The following HS2ST1 variants were observed in gnomAD, a reference collection of about 807,000 sequenced individuals.
The protein encoded by HS2ST1 is 2-O-sulfotransferase.
HS2ST1 carries 18 observed loss-of-function variants against 42.9 expected under a neutral mutation model. That is an observed-to-expected ratio of 0.42 (90% CI 0.29 to 0.62). HS2ST1 has a LOEUF of 0.62. Ranked by LOEUF, HS2ST1 falls within the 20% of genes least tolerant of loss-of-function variation. The pLI is 0.21. For missense variants in HS2ST1, 334 were observed against 433.8 expected, an observed-to-expected ratio of 0.77 and a Z score of 2.04; for synonymous variants, 146 against 152.9, an observed-to-expected ratio of 0.95 and a Z score of 0.33.
intron 1 of HS2ST1, among the ~76,000 whole-genome samples, chr1:86,968,050 T>A (rs1300337994): frequency 6.6e-6 from 1 of 152,228 alleles, no homozygotes; most frequent in Admixed American, 6.5e-5. Flanking sequence ...TGATTAGTGA[T>A]GTTGAGCAGC....
chr1:86,927,701 G>A (rs1402370942), intron 1 of HS2ST1, among the ~76,000 whole-genome samples: 1 of 152,142 alleles, frequency 6.6e-6, no homozygotes, highest in African/African-American at 2.4e-5. Context: ...GCTTGGTATG[G>A]TTAAGGATTT....
intron 1 of HS2ST1, among the ~76,000 whole-genome samples, chr1:86,940,463 A>G (rs61800759): frequency 0.09 from 13,626 of 152,202 alleles, 710 homozygotes; most frequent in Non-Finnish European, 0.12. Context: ...TTTAGTTACT[A>G]TTTACTAAAG....
chr1:86,993,734 C>G (rs1213378797), intron 1 of HS2ST1, among the ~76,000 whole-genome samples: 1 of 151,942 alleles, frequency 6.6e-6, no homozygotes, highest in African/African-American at 2.4e-5. Flanking sequence ...TTGGGAGAGG[C>G]CTCAGTTCAA....
At position 87,068,288 on chromosome 1, in the gene HS2ST1, G is replaced by A. The variant is rs548629198; in HGVS notation, c.125-4646G>A. On this transcript the variant is annotated intron_variant, in intron 1 of 6. Transcript: ENST00000370550. The stretch of plus-strand genomic sequence containing the variant: ...CTTGACGAGGTCCTTCACATCCCTT[G>A]TAAGCTGGATTCCTAGGTATTTTAT... 1.2e-3 allele frequency among the ~76,000 whole-genome samples: 181 copies of A among 152,220 alleles called. 1 individual carries two copies. The highest frequency in any genetic ancestry group is 4.1e-3 in the African/African-American group (170 of 41,544).
chr1:87,051,194 CAA>C (rs1186651703), intron 1 of HS2ST1, among the ~76,000 whole-genome samples: 1 of 151,920 alleles, frequency 6.6e-6, no homozygotes, highest in Non-Finnish European at 1.5e-5. Context: ...TCTCCTCCCC[CAA>C]AAAGTCACGT....
intron 1 of HS2ST1, among the ~76,000 whole-genome samples, chr1:86,922,987 A>G (rs781020160): frequency 3.9e-5 from 6 of 151,978 alleles, no homozygotes; most frequent in Admixed American, 6.5e-5. Context: ...ATTGTTCTAC[A>G]GTTCAGTGAT....
chr1:87,062,624 T>C (rs535993313), intron 1 of HS2ST1, among the ~76,000 whole-genome samples: 1 of 152,322 alleles, frequency 6.6e-6, no homozygotes, highest in South Asian at 2.1e-4. Flanking sequence ...ATATTTTTAC[T>C]CTCCATTTTT....
chr1:86,934,001 T>G (rs767140735), intron 1 of HS2ST1, among the ~76,000 whole-genome samples: 5 of 152,188 alleles, frequency 3.3e-5, no homozygotes, highest in Non-Finnish European at 5.9e-5. Context: ...GGTGTGTGTG[T>G]GTGTAAAAGT....
At chr1:87,079,418 G>C (rs188065095) in intron 2 of HS2ST1, among the ~76,000 whole-genome samples, 1 of 152,138 alleles carries the variant, frequency 6.6e-6, no homozygotes, top group African/African-American at 2.4e-5. Context: ...GATTATAGGC[G>C]TGAGCCACTG....
chr1:86,942,762 A>AT (rs1204581756), intron 1 of HS2ST1, among the ~76,000 whole-genome samples: 7 of 152,162 alleles, frequency 4.6e-5, no homozygotes, highest in African/African-American at 1.4e-4. Context: ...TTCTTCATTG[A>AT]TAAGGTAAAG....
intron 2 of HS2ST1, among the ~76,000 whole-genome samples, chr1:87,076,043 A>C (rs1000270502): frequency 1.3e-5 from 2 of 152,342 alleles, no homozygotes; most frequent in Middle Eastern, 3.4e-3. Context: ...GAAAACAGTT[A>C]AAATAAAACA....
At chr1:87,097,989 T>A (rs1358279284) in intron 5 of HS2ST1, 54 bp downstream of exon 5, 2 of 1,610,000 alleles carry the variant, frequency 1.2e-6, no homozygotes, top group Non-Finnish European at 1.7e-6. Flanking sequence ...ATCTCTGTAA[T>A]CTGTGTTTCA....
At chr1:86,926,411 T>G (rs1660423375) in intron 1 of HS2ST1, among the ~76,000 whole-genome samples, 1 of 152,214 alleles carries the variant, frequency 6.6e-6, no homozygotes. Flanking sequence ...AGGAGAATGT[T>G]GGATCCCTGA....
intron 1 of HS2ST1, among the ~76,000 whole-genome samples, chr1:87,062,902 T>C (rs1007601928): frequency 3.3e-5 from 5 of 152,222 alleles, no homozygotes; most frequent in Admixed American, 2.6e-4. Context: ...CAGTTTTCTC[T>C]TGTAGGCTTC....
intron 5 of HS2ST1, chr1:87,098,571 A>T: frequency 5.8e-6 from 1 of 171,534 alleles, no homozygotes; most frequent in Non-Finnish European, 1.2e-5. Flanking sequence ...CATAATGAGA[A>T]ATACAAGGAA....
At chr1:87,058,798 A>G (rs1016220623) in intron 1 of HS2ST1, among the ~76,000 whole-genome samples, 4 of 151,770 alleles carry the variant, frequency 2.6e-5, no homozygotes. Flanking sequence ...GCGGTGGCTC[A>G]CGACTGTAAT....
At chr1:87,058,933 C>A (rs1385790904) in intron 1 of HS2ST1, among the ~76,000 whole-genome samples, 2 of 151,880 alleles carry the variant, frequency 1.3e-5, no homozygotes, top group African/African-American at 2.4e-5. Context: ...GTAGCAGGTG[C>A]CTGTAGTCCC....
intron 1 of HS2ST1, among the ~76,000 whole-genome samples, chr1:86,945,040 ACGG>A (rs1647288698): frequency 6.6e-6 from 1 of 152,038 alleles, no homozygotes; most frequent in Non-Finnish European, 1.5e-5. Context: ...AATTTTCTTG[ACGG>A]TTAATAGTAT....
At chr1:87,048,089 A>G (rs931239795) in intron 1 of HS2ST1, among the ~76,000 whole-genome samples, 6 of 151,794 alleles carry the variant, frequency 4.0e-5, no homozygotes, top group Non-Finnish European at 8.8e-5. Context: ...ATCTTATTTA[A>G]TTTTTCTCAG....
Sources: allele counts gnomAD v4.1 joint callset (sites outside exome capture counted in the v4.1 genomes callset), GRCh38; gene constraint gnomAD v4.1.1; transcripts MANE v1.5; gene names NCBI Gene and HGNC (gene_info 2026-07-23, HGNC 2026-07-21).